The following CDH9 variants were observed in gnomAD, a reference collection of about 807,000 sequenced individuals.
CDH9 encodes cadherin 9, also known as cadherin-9.
In CDH9, 28 loss-of-function variants were observed where a neutral mutation model predicts 70.9. That is an observed-to-expected ratio of 0.40 (90% CI 0.29 to 0.54). The LOEUF (loss-of-function observed/expected upper bound fraction) is 0.54. CDH9 is among the 20% of genes least tolerant of loss of function. The pLI, the probability that CDH9 is intolerant of heterozygous loss-of-function variation, is 0.59. For synonymous variants in CDH9, 409 were observed against 343.1 expected (o/e 1.19, Z -2.12); for missense variants, 874 against 984.4 (o/e 0.89, Z 1.50).
intron 1 of CDH9, among the ~76,000 whole-genome samples, chr5:27,035,180 T>C (rs1420769588): frequency 6.7e-6 from 1 of 148,252 alleles, no homozygotes; most frequent in African/African-American, 2.4e-5. Flanking sequence ...TGTATATATA[T>C]ATATATATAT....
At chr5:27,034,029 A>G (rs1438913403) in intron 1 of CDH9, among the ~76,000 whole-genome samples, 1 of 151,640 alleles carries the variant, frequency 6.6e-6, no homozygotes, top group Non-Finnish European at 1.5e-5. Context: ...CTTTTACTAA[A>G]TATGAGGAAA....
In CDH9 at chr5:26,913,581, C is replaced by T. The variant is rs114011574; in HGVS notation, c.523+2049G>A. On this transcript the variant is annotated intron_variant, in intron 3 of 11. Coordinates refer to ENST00000231021, the MANE Select transcript of CDH9 (RefSeq NM_016279.4). Reference sequence around the variant, plus strand: ...CTTGTATCTGCAACCTACACTGATCCGAAGTTGTACTGCTTACACTTTAAA... The same window carrying T: ...CTTGTATCTGCAACCTACACTGATCTGAAGTTGTACTGCTTACACTTTAAA... 4.4e-3 allele frequency among the ~76,000 whole-genome samples: 662 copies of T among 152,020 alleles called. 1 individual carries two copies. Among genetic ancestry groups the T allele is most frequent in the Admixed American group, 7.7e-3 (117 of 15,220 alleles).
chr5:26,956,856 A>T (rs1741954996), intron 2 of CDH9, among the ~76,000 whole-genome samples: 1 of 152,182 alleles, frequency 6.6e-6, no homozygotes, highest in Non-Finnish European at 1.5e-5. Context: ...CCATAAAATC[A>T]TCATCATAAT....
intron 2 of CDH9, among the ~76,000 whole-genome samples, chr5:26,973,673 G>A (rs1411627283): frequency 6.6e-6 from 1 of 152,024 alleles, no homozygotes; most frequent in Non-Finnish European, 1.5e-5. Flanking sequence ...ATACATGTTA[G>A]GGAGCCCGTG....
chr5:26,945,252 T>C (rs1337849358), intron 2 of CDH9, among the ~76,000 whole-genome samples: 2 of 152,030 alleles, frequency 1.3e-5, no homozygotes, highest in Admixed American at 6.6e-5. Flanking sequence ...TAATATCCAA[T>C]GGCTACTGAG....
At chr5:26,895,246 T>C (rs759168813) in intron 7 of CDH9, among the ~76,000 whole-genome samples, 1 of 152,034 alleles carries the variant, frequency 6.6e-6, no homozygotes, top group Non-Finnish European at 1.5e-5. Flanking sequence ...CCCTCAAAAA[T>C]GAATATTGAG....
chr5:27,006,560 A>G (rs1742868444), intron 1 of CDH9, among the ~76,000 whole-genome samples: 2 of 152,120 alleles, frequency 1.3e-5, no homozygotes, highest in Admixed American at 6.6e-5. Context: ...ATCTGCTCCC[A>G]ACCGGTGTTT....
chr5:26,922,658 A>T (rs575454313), intron 2 of CDH9, among the ~76,000 whole-genome samples: 1 of 152,110 alleles, frequency 6.6e-6, no homozygotes, highest in East Asian at 1.9e-4. Flanking sequence ...AAGGTACAAA[A>T]CTCACTAGCA....
At chr5:26,919,249 C>T (rs1049918648) in intron 2 of CDH9, among the ~76,000 whole-genome samples, 4 of 152,130 alleles carry the variant, frequency 2.6e-5, no homozygotes, top group Admixed American at 6.5e-5. Flanking sequence ...AGGAGTGAAT[C>T]TATGTGCTGG....
chr5:26,950,758 A>G (rs1162499378), intron 2 of CDH9, among the ~76,000 whole-genome samples: 1 of 152,210 alleles, frequency 6.6e-6, no homozygotes, highest in Non-Finnish European at 1.5e-5. Context: ...ACAAATCTGG[A>G]GTAACATTAT....
At chr5:26,984,568 G>A (rs534863961) in intron 2 of CDH9, among the ~76,000 whole-genome samples, 3 of 151,968 alleles carry the variant, frequency 2.0e-5, no homozygotes, top group African/African-American at 4.8e-5. Context: ...GGATTATTCT[G>A]GACTTTGAAC....
At chr5:26,995,457 C>T (rs942466144) in intron 1 of CDH9, among the ~76,000 whole-genome samples, 4 of 152,016 alleles carry the variant, frequency 2.6e-5, no homozygotes, top group East Asian at 3.9e-4. Context: ...CTTCACAACA[C>T]GATTGGTATA....
At chr5:26,979,149 TTAA>T (rs1428279537) in intron 2 of CDH9, among the ~76,000 whole-genome samples, 2 of 151,578 alleles carry the variant, frequency 1.3e-5, no homozygotes, top group Admixed American at 6.6e-5. Context: ...AATGAATTGT[TTAA>T]TAATAAACAT....
intron 3 of CDH9, among the ~76,000 whole-genome samples, chr5:26,907,910 A>G (rs919316789): frequency 6.6e-6 from 1 of 152,148 alleles, no homozygotes; most frequent in Non-Finnish European, 1.5e-5. Context: ...CATGCATTAC[A>G]CACTCAATAA....
At chr5:26,896,525 T>C (rs1234881099) in intron 7 of CDH9, among the ~76,000 whole-genome samples, 1 of 135,264 alleles carries the variant, frequency 7.4e-6, no homozygotes, top group East Asian at 2.6e-4. Flanking sequence ...GAAATGAAAA[T>C]TTCATTTCAT....
intron 1 of CDH9, among the ~76,000 whole-genome samples, chr5:27,008,600 T>C (rs1742907198): frequency 6.6e-6 from 1 of 152,148 alleles, no homozygotes; most frequent in African/African-American, 2.4e-5. Flanking sequence ...CACAATATAA[T>C]CATTTTCTAT....
chr5:27,009,879 C>G (rs562365013), intron 1 of CDH9, among the ~76,000 whole-genome samples: 16 of 152,096 alleles, frequency 1.1e-4, no homozygotes, highest in African/African-American at 3.9e-4. Context: ...TTTTCTTACT[C>G]TGGCTCCATA....
At chr5:26,968,853 A>G (rs1742171223) in intron 2 of CDH9, among the ~76,000 whole-genome samples, 1 of 152,194 alleles carries the variant, frequency 6.6e-6, no homozygotes, top group Non-Finnish European at 1.5e-5. Flanking sequence ...CAAATATGGT[A>G]AATAATTAAG....
chr5:26,967,016 T>G (rs1742140615), intron 2 of CDH9, among the ~76,000 whole-genome samples: 1 of 152,166 alleles, frequency 6.6e-6, no homozygotes, highest in African/African-American at 2.4e-5. Flanking sequence ...CGTTGCAGCC[T>G]GGATCTCCCA....
Sources: gnomAD v4.1 joint callset for allele counts (sites outside exome capture counted in the v4.1 genomes callset) on GRCh38, gnomAD v4.1.1 for gene constraint, MANE v1.5 for transcripts, NCBI Gene and HGNC (gene_info 2026-07-23, HGNC 2026-07-21) for gene names.